SLC4A4: variants seen among roughly 807,000 people sequenced by gnomAD.
The protein encoded by SLC4A4 is electrogenic sodium bicarbonate cotransporter 1.
SLC4A4 carries 27 observed loss-of-function variants against 111.5 expected under a neutral mutation model. The ratio of observed to expected loss-of-function variants is 0.24; its 90% CI spans 0.18 to 0.33. The LOEUF (loss-of-function observed/expected upper bound fraction) is 0.33, where lower values mean the gene tolerates loss of function less well. Among genes scored for constraint, SLC4A4 ranks in the 10% least tolerant of loss-of-function variants. The pLI, the probability that SLC4A4 is intolerant of heterozygous loss-of-function variation, is 1.00. For missense variants in SLC4A4, 909 were observed against 1,315.5 expected (o/e 0.69, Z 4.78); for synonymous variants, 443 against 463.4 (o/e 0.96, Z 0.57).
chr4:71,263,733 C>T (rs2149071332), intron 3 of SLC4A4, among the ~76,000 whole-genome samples: 1 of 152,098 alleles, frequency 6.6e-6, no homozygotes, highest in African/African-American at 2.4e-5. Flanking sequence ...TTTGCAATAA[C>T]TAATTTGTAC....
intron 8 of SLC4A4, 36 bp downstream of exon 8, chr4:71,440,809 T>C (rs1724646244): frequency 6.2e-7 from 1 of 1,609,724 alleles, no homozygotes; most frequent in Non-Finnish European, 8.5e-7. Context: ...TACAATGTGC[T>C]AATAGGGTTA....
At chr4:71,124,475 C>A (rs1218461148) in intron 2 of SLC4A4, among the ~76,000 whole-genome samples, 1 of 152,152 alleles carries the variant, frequency 6.6e-6, no homozygotes, top group African/African-American at 2.4e-5. Flanking sequence ...CAGCCACGCC[C>A]ACACTTCTAA....
chr4:71,353,900 T>G (rs952671228), intron 5 of SLC4A4, among the ~76,000 whole-genome samples: 3 of 152,216 alleles, frequency 2.0e-5, no homozygotes, highest in Non-Finnish European at 4.4e-5. Flanking sequence ...GTGAGGGCCC[T>G]GCACCATGAT....
At chr4:71,179,557 A>G (rs1004636990) in intron 2 of SLC4A4, among the ~76,000 whole-genome samples, 7 of 139,952 alleles carry the variant, frequency 5.0e-5, no homozygotes, top group Non-Finnish European at 1.0e-4. Flanking sequence ...CTTATATACC[A>G]ATAACAGACA....
intron 2 of SLC4A4, among the ~76,000 whole-genome samples, chr4:71,146,272 T>C (rs1476359497): frequency 6.6e-6 from 1 of 152,332 alleles, no homozygotes; most frequent in Middle Eastern, 3.4e-3. Context: ...GTGAGTTTCT[T>C]AATTCTGAGT....
intron 14 of SLC4A4, among the ~76,000 whole-genome samples, chr4:71,478,429 T>C (rs1384368396): frequency 2.0e-5 from 3 of 151,878 alleles, no homozygotes; most frequent in Admixed American, 1.3e-4. Context: ...TATGCAGCCA[T>C]AAAAAATGAT....
chr4:71,468,734 T>C (rs971364882), intron 13 of SLC4A4, among the ~76,000 whole-genome samples: 2 of 15,178 alleles, frequency 1.3e-4, no homozygotes, highest in African/African-American at 8.3e-5. Flanking sequence ...CCATGCTCCA[T>C]GAAAAAAAAA....
chr4:71,112,035 A>G (rs1475177055), intron 2 of SLC4A4, among the ~76,000 whole-genome samples: 1 of 152,146 alleles, frequency 6.6e-6, no homozygotes, highest in African/African-American at 2.4e-5. Context: ...GGCAGTTTTG[A>G]CCAAGTAAGG....
At chr4:71,501,874 C>T (rs1730966284) in intron 16 of SLC4A4, among the ~76,000 whole-genome samples, 1 of 152,058 alleles carries the variant, frequency 6.6e-6, no homozygotes, top group South Asian at 2.1e-4. Flanking sequence ...CCATAATAGC[C>T]AGATGGTCTC....
chr4:71,127,154 G>GA (rs1743582639), intron 2 of SLC4A4, among the ~76,000 whole-genome samples: 2 of 152,170 alleles, frequency 1.3e-5, no homozygotes, highest in Admixed American at 1.3e-4. Flanking sequence ...GTGTAAGGAA[G>GA]AAAATCAGAG....
chr4:71,360,006 A>G (rs1578915749), intron 6 of SLC4A4, among the ~76,000 whole-genome samples: 1 of 150,786 alleles, frequency 6.6e-6, no homozygotes, highest in African/African-American at 2.4e-5. Flanking sequence ...CGGGAGAGCC[A>G]GTTGATATCA....
intron 18 of SLC4A4, among the ~76,000 whole-genome samples, chr4:71,541,277 T>C (rs576210274): frequency 6.6e-6 from 1 of 152,210 alleles, no homozygotes; most frequent in African/African-American, 2.4e-5. Flanking sequence ...TAAAAAAGAT[T>C]CATTCGTGAG....
chr4:71,559,762 C>T (rs1241716294), intron 22 of SLC4A4, among the ~76,000 whole-genome samples: 1 of 151,706 alleles, frequency 6.6e-6, no homozygotes, highest in African/African-American at 2.4e-5. Flanking sequence ...TTACTTTAAA[C>T]TTTTAATTAT....
chr4:71,472,962 C>T lies in SLC4A4; in HGVS notation c.1895C>T (p.Pro632Leu), dbSNP rs181405193. The part of the protein sequence containing the change: ...NTLFSCTCVP[P>L]DPANISISND... ...CTCTTTTCCTGTACCTGTGTGCCAC[C>T]TGACCCAGGTGAGGGCATTACGCTT... Residue 632 changes from proline (P) to leucine (L), a missense_variant, in exon 14 of 26, where the codon CCT becomes CTT. Physicochemically the swap from Pro to Leu is moderately conservative, Grantham distance 98. Coordinates refer to ENST00000264485, the MANE Select transcript of SLC4A4 (RefSeq NM_001098484.3). 4.3e-6 allele frequency: 7 copies of T among 1,612,940 alleles called. No homozygotes were observed. The highest frequency in any genetic ancestry group is 5.9e-6 in the Non-Finnish European group (7 of 1,179,354).
chr4:71,406,740 T>G (rs563452954), intron 7 of SLC4A4, among the ~76,000 whole-genome samples: 4 of 151,806 alleles, frequency 2.6e-5, no homozygotes, highest in Non-Finnish European at 4.4e-5. Context: ...ATGACATTCC[T>G]GACTAATCAG....
chr4:71,466,619 T>C (rs1419837266), intron 13 of SLC4A4, 42 bp downstream of exon 13: 1 of 1,581,102 alleles, frequency 6.3e-7, no homozygotes, highest in Admixed American at 1.7e-5. Context: ...AATTGCTTAA[T>C]TGTAGAACCT....
intron 18 of SLC4A4, among the ~76,000 whole-genome samples, chr4:71,540,102 G>A (rs147067025): frequency 2.6e-5 from 4 of 152,232 alleles, no homozygotes; most frequent in African/African-American, 9.6e-5. Context: ...TATAATTTGT[G>A]TACAAGTCTG....
chr4:71,515,291 A>T (rs534224186), intron 16 of SLC4A4, among the ~76,000 whole-genome samples: 6 of 152,194 alleles, frequency 3.9e-5, no homozygotes, highest in Non-Finnish European at 7.4e-5. Context: ...TCCGAAGTTT[A>T]TATTTGTATT....
chr4:71,423,645 C>A (rs375985761), intron 7 of SLC4A4, among the ~76,000 whole-genome samples: 1,693 of 152,086 alleles, frequency 0.011, 33 homozygotes, highest in African/African-American at 0.039. Flanking sequence ...AAACAGAGAT[C>A]TAGATCAATG....
Sources: allele counts gnomAD v4.1 joint callset (sites outside exome capture counted in the v4.1 genomes callset), GRCh38; gene constraint gnomAD v4.1.1; transcripts MANE v1.5; gene names NCBI Gene and HGNC (gene_info 2026-07-23, HGNC 2026-07-21).